Variants in MALRD1 observed in about 807,000 individuals in gnomAD.
MALRD1 encodes MAM and LDL receptor class A domain containing 1.
MALRD1 carries 247 observed loss-of-function variants against 242.1 expected under a neutral mutation model. The ratio of observed to expected loss-of-function variants is 1.02; its 90% CI spans 0.92 to 1.13. The LOEUF (loss-of-function observed/expected upper bound fraction) is 1.13. MALRD1 is among the 50% of genes most tolerant of loss of function. MALRD1 has a pLI of 0.00. For missense variants in MALRD1, 2,989 were observed against 2,533.1 expected (o/e 1.18, Z -3.86); for synonymous variants, 995 against 866.6 (o/e 1.15, Z -2.60).
At chr10:19,612,790 C>T (rs1838960567) in intron 35 of MALRD1, among the ~76,000 whole-genome samples, 1 of 151,724 alleles carries the variant, frequency 6.6e-6, no homozygotes, top group Non-Finnish European at 1.5e-5. Flanking sequence ...TTCAAAAAAC[C>T]AGATCTCATG....
intron 14 of MALRD1, among the ~76,000 whole-genome samples, chr10:19,175,750 G>A (rs899157388): frequency 2.6e-5 from 4 of 151,898 alleles, no homozygotes; most frequent in Non-Finnish European, 4.4e-5. Flanking sequence ...GTTGTGTTTG[G>A]GAAAATGATG....
At chr10:19,307,336 A>G (rs539100653) in intron 21 of MALRD1, among the ~76,000 whole-genome samples, 37 of 151,532 alleles carry the variant, frequency 2.4e-4, no homozygotes, top group African/African-American at 8.7e-4. Flanking sequence ...TATCTGTACC[A>G]TATGCTGTGA....
intron 21 of MALRD1, among the ~76,000 whole-genome samples, chr10:19,283,960 G>C (rs548969635): frequency 6.6e-6 from 1 of 152,176 alleles, no homozygotes; most frequent in Non-Finnish European, 1.5e-5. Flanking sequence ...TAAATAGAAA[G>C]CGCTGCAGAT....
chr10:19,318,460 A>G (rs2074497319), intron 21 of MALRD1, among the ~76,000 whole-genome samples: 1 of 149,050 alleles, frequency 6.7e-6, no homozygotes, highest in South Asian at 2.1e-4. Flanking sequence ...TGTCCTTATG[A>G]TTGCATTTTC....
chr10:19,264,058 A>G (rs1404315151), intron 19 of MALRD1, among the ~76,000 whole-genome samples: 1 of 152,156 alleles, frequency 6.6e-6, no homozygotes, highest in Non-Finnish European at 1.5e-5. Context: ...ACATCCTCCC[A>G]ATACTTGTTA....
At chr10:19,509,469 A>G (rs1251465325) in intron 31 of MALRD1, among the ~76,000 whole-genome samples, 1 of 152,126 alleles carries the variant, frequency 6.6e-6, no homozygotes, top group East Asian at 1.9e-4. Context: ...TACAAAGAAG[A>G]CTTCAGGGTA....
chr10:19,278,495 A>G (rs955962501), intron 19 of MALRD1, among the ~76,000 whole-genome samples: 2 of 152,110 alleles, frequency 1.3e-5, no homozygotes, highest in South Asian at 2.1e-4. Context: ...CTATCCATCC[A>G]TCCATCTGTC....
At chr10:19,561,724 T>TC (rs10637474) in intron 32 of MALRD1, among the ~76,000 whole-genome samples, 17 of 151,634 alleles carry the variant, frequency 1.1e-4, no homozygotes, top group African/African-American at 3.6e-4. Context: ...ATTTTTTTTT[T>TC]CTTTTTTCTC....
intron 29 of MALRD1, among the ~76,000 whole-genome samples, chr10:19,456,234 C>A (rs908769379): frequency 6.6e-6 from 1 of 152,044 alleles, no homozygotes; most frequent in Admixed American, 6.6e-5. Flanking sequence ...AAAAAAAATA[C>A]CTTGAGGGTA....
At chr10:19,243,200 A>C (rs1189545830) in intron 18 of MALRD1, among the ~76,000 whole-genome samples, 2 of 148,256 alleles carry the variant, frequency 1.3e-5, no homozygotes, top group African/African-American at 2.6e-5. Flanking sequence ...AATACTCTTG[A>C]CTTCTCCCCC....
chr10:19,421,395 G>A (rs1050816340), intron 28 of MALRD1, among the ~76,000 whole-genome samples: 1 of 152,130 alleles, frequency 6.6e-6, no homozygotes, highest in Non-Finnish European at 1.5e-5. Context: ...AACTTAAGTA[G>A]GGAATAACAA....
At chr10:19,142,566 C>G (rs1012399404) in intron 10 of MALRD1, among the ~76,000 whole-genome samples, 3 of 152,170 alleles carry the variant, frequency 2.0e-5, no homozygotes, top group African/African-American at 4.8e-5. Context: ...CTGATGAACT[C>G]TGAGTAAAAT....
chr10:19,161,550 C>CGGGAAACCAA (rs1834410363), intron 12 of MALRD1, among the ~76,000 whole-genome samples: 1 of 60,838 alleles, frequency 1.6e-5, no homozygotes. Context: ...AAAAAAAAAG[C>CGGGAAACCAA]AAAAAAAAAA....
chr10:19,248,133 G>C (rs1380771060), intron 18 of MALRD1, among the ~76,000 whole-genome samples: 1 of 152,018 alleles, frequency 6.6e-6, no homozygotes, highest in East Asian at 1.9e-4. Context: ...TATACTCTTA[G>C]ATTGCAGGTT....
At chr10:19,657,664 T>C (rs1841224292) in intron 36 of MALRD1, among the ~76,000 whole-genome samples, 2 of 152,142 alleles carry the variant, frequency 1.3e-5, no homozygotes, top group Admixed American at 6.6e-5. Flanking sequence ...TGGGTATCCA[T>C]CACCTCAAGC....
intron 1 of MALRD1, among the ~76,000 whole-genome samples, chr10:19,063,170 A>G (rs991743017): frequency 2.0e-5 from 3 of 152,066 alleles, no homozygotes; most frequent in African/African-American, 7.2e-5. Context: ...AGTTTATGTA[A>G]TGTATATTTT....
At chr10:19,058,635 T>C (rs1834734768) in intron 1 of MALRD1, among the ~76,000 whole-genome samples, 1 of 152,086 alleles carries the variant, frequency 6.6e-6, no homozygotes, top group African/African-American at 2.4e-5. Flanking sequence ...ACATCTGCAA[T>C]ATAGCACACC....
intron 28 of MALRD1, among the ~76,000 whole-genome samples, chr10:19,409,747 C>T (rs1833194410): frequency 6.6e-6 from 1 of 152,000 alleles, no homozygotes; most frequent in African/African-American, 2.4e-5. Context: ...ATAGTTATCT[C>T]ACAATAAGAA....
intron 36 of MALRD1, among the ~76,000 whole-genome samples, chr10:19,667,026 A>G (rs1374041206): frequency 6.6e-6 from 1 of 152,144 alleles, no homozygotes; most frequent in East Asian, 1.9e-4. Context: ...TGGATGAAAC[A>G]CTAAATGGGA....
Sources: gnomAD v4.1 joint callset for allele counts (sites outside exome capture counted in the v4.1 genomes callset) on GRCh38, gnomAD v4.1.1 for gene constraint, MANE v1.5 for transcripts, NCBI Gene and HGNC (gene_info 2026-07-23, HGNC 2026-07-21) for gene names.